Variants in DNAJC8 observed in about 807,000 individuals in gnomAD.
The protein encoded by DNAJC8 is DnaJ heat shock protein family (Hsp40) member C8, also known as dnaJ homolog subfamily C member 8.
In DNAJC8, 24 loss-of-function variants were observed where a neutral mutation model predicts 43.2. The observed-to-expected ratio is 0.56, with a 90% confidence interval of 0.40 to 0.78. The LOEUF is 0.78. Among genes scored for constraint, DNAJC8 ranks in the 30% least tolerant of loss-of-function variants. The probability of loss-of-function intolerance (pLI) is 0.00; values close to 1 mark genes in which losing one functional copy is unlikely to be tolerated. For synonymous variants in DNAJC8, 83 were observed against 98.0 expected, an observed-to-expected ratio of 0.85 and a Z score of 0.90; for missense variants, 207 against 299.4, an observed-to-expected ratio of 0.69 and a Z score of 2.28.
chr1:28,215,804 T>C (rs1646849195), intron 2 of DNAJC8, among the ~76,000 whole-genome samples: 1 of 151,890 alleles, frequency 6.6e-6, no homozygotes, highest in Non-Finnish European at 1.5e-5. Context: ...CCCAAAGTGC[T>C]GGGATTACAG....
chr1:28,224,309 C>T (rs1361073311), intron 2 of DNAJC8, among the ~76,000 whole-genome samples: 1 of 152,066 alleles, frequency 6.6e-6, no homozygotes, highest in Non-Finnish European at 1.5e-5. Context: ...ACTCTGTCGC[C>T]CAGGCTGGAG....
At chr1:28,207,957 A>G (rs1572060831) in intron 6 of DNAJC8, among the ~76,000 whole-genome samples, 3 of 152,172 alleles carry the variant, frequency 2.0e-5, no homozygotes, top group Non-Finnish European at 2.9e-5. Context: ...CTGCAATCCC[A>G]GGACTTTGGG....
chr1:28,231,441 C>T (rs1418569506), intron 1 of DNAJC8, among the ~76,000 whole-genome samples: 1 of 152,128 alleles, frequency 6.6e-6, no homozygotes, highest in African/African-American at 2.4e-5. Context: ...CCCGGCCAGG[C>T]GTGGTGGCTC....
At chr1:28,213,926 G>A (rs948647700) in intron 3 of DNAJC8, among the ~76,000 whole-genome samples, 3 of 151,992 alleles carry the variant, frequency 2.0e-5, no homozygotes, top group Non-Finnish European at 2.9e-5. Flanking sequence ...TGAGGAGGGA[G>A]GATTGCTTAA....
At chr1:28,227,364 C>T (rs535829492) in intron 2 of DNAJC8, among the ~76,000 whole-genome samples, 8 of 143,850 alleles carry the variant, frequency 5.6e-5, no homozygotes, top group South Asian at 2.2e-4. Context: ...GCCAAGATTG[C>T]ACCATTACAC....
chr1:28,222,957 G>A (rs758926346), intron 2 of DNAJC8, among the ~76,000 whole-genome samples: 2 of 152,174 alleles, frequency 1.3e-5, no homozygotes, highest in Admixed American at 6.5e-5. Context: ...GAAAGCATCC[G>A]TGTGGAAGTA....
At chr1:28,218,343 C>A (rs1341412343) in intron 2 of DNAJC8, among the ~76,000 whole-genome samples, 1 of 151,942 alleles carries the variant, frequency 6.6e-6, no homozygotes, top group African/African-American at 2.4e-5. Flanking sequence ...GATCTGCCCA[C>A]CTCAGCCTCC....
intron 6 of DNAJC8, among the ~76,000 whole-genome samples, chr1:28,207,702 A>G (rs1180756691): frequency 6.8e-6 from 1 of 146,994 alleles, no homozygotes; most frequent in Non-Finnish European, 1.5e-5. Flanking sequence ...ACGGCCTCCC[A>G]AATTTCTGGG....
At chr1:28,223,867 T>C (rs947965442) in intron 2 of DNAJC8, among the ~76,000 whole-genome samples, 4 of 152,194 alleles carry the variant, frequency 2.6e-5, no homozygotes, top group Non-Finnish European at 4.4e-5. Context: ...CTCCAGGGTC[T>C]GTAAGCTGTG....
At chr1:28,207,824 G>A (rs1226200711) in intron 6 of DNAJC8, among the ~76,000 whole-genome samples, 2 of 152,112 alleles carry the variant, frequency 1.3e-5, no homozygotes, top group Non-Finnish European at 2.9e-5. Context: ...GGGAGGCCGA[G>A]GCGGGTGGAT....
chr1:28,206,315 G>A (rs1472350422), intron 6 of DNAJC8, among the ~76,000 whole-genome samples: 1 of 152,118 alleles, frequency 6.6e-6, no homozygotes, highest in Non-Finnish European at 1.5e-5. Context: ...GCAGTGGTGT[G>A]ATCATAGCTC....
intron 6 of DNAJC8, among the ~76,000 whole-genome samples, 171 bp downstream of exon 6, chr1:28,208,171 C>T (rs1480369790): frequency 6.6e-6 from 1 of 151,996 alleles, no homozygotes; most frequent in Non-Finnish European, 1.5e-5. Context: ...GCGCCATTGC[C>T]CTCCAGCCTG....
At chr1:28,225,060 A>G (rs1206779593) in intron 2 of DNAJC8, among the ~76,000 whole-genome samples, 2 of 151,298 alleles carry the variant, frequency 1.3e-5, no homozygotes, top group African/African-American at 4.9e-5. Context: ...TTTTGGGACA[A>G]TTAGTAAAAC....
chr1:28,206,112 A>G (rs1467408459), intron 6 of DNAJC8, among the ~76,000 whole-genome samples: 1 of 152,118 alleles, frequency 6.6e-6, no homozygotes, highest in East Asian at 1.9e-4. Context: ...GGATCGCTTG[A>G]GCTCAGGAGG....
chr1:28,200,698 G>A lies in DNAJC8; in HGVS notation c.*550C>T. The A allele has an allele frequency of 2.2e-6, 1 of 454,536 alleles. No individual in the cohort carries two copies. The highest frequency in any genetic ancestry group is 4.4e-6 in the Non-Finnish European group (1 of 226,792). 28.2% of individuals were successfully genotyped at this position (454,536 alleles called of 1,614,324 possible). On this transcript the variant is annotated 3_prime_UTR_variant, in exon 9 of 9. Coordinates refer to ENST00000263697, the MANE Select transcript of DNAJC8 (RefSeq NM_014280.3). ...GCGTGGGCCTCATGCCACACTGATT[G>A]GTCAGTAGACAGGGGGCACATGCCA...
chr1:28,213,462 C>T (rs1214778676), intron 3 of DNAJC8, among the ~76,000 whole-genome samples: 2 of 151,612 alleles, frequency 1.3e-5, no homozygotes, highest in Non-Finnish European at 2.9e-5. Context: ...TAAAAAACAT[C>T]TTGGCTTAAC....
chr1:28,216,183 T>C (rs1465783764), intron 2 of DNAJC8, among the ~76,000 whole-genome samples: 1 of 152,160 alleles, frequency 6.6e-6, no homozygotes, highest in African/African-American at 2.4e-5. Flanking sequence ...ACCCCGTCTC[T>C]ACTAAAAATA....
intron 2 of DNAJC8, among the ~76,000 whole-genome samples, chr1:28,221,164 C>T (rs1050484957): frequency 1.3e-5 from 2 of 151,932 alleles, no homozygotes; most frequent in African/African-American, 4.8e-5. Context: ...ATAGTGAAAC[C>T]CCGTCTCTAT....
intron 8 of DNAJC8, among the ~76,000 whole-genome samples, chr1:28,202,575 G>A (rs572560603): frequency 4.9e-4 from 71 of 143,652 alleles, no homozygotes; most frequent in African/African-American, 1.8e-3. Context: ...CACCTCACCC[G>A]GCCTTTTTTT....
Sources: gnomAD v4.1 joint callset for allele counts (sites outside exome capture counted in the v4.1 genomes callset) on GRCh38, gnomAD v4.1.1 for gene constraint, MANE v1.5 for transcripts, NCBI Gene and HGNC (gene_info 2026-07-23, HGNC 2026-07-21) for gene names.